GABARAPL2: variants seen among roughly 807,000 people sequenced by gnomAD.
The protein encoded by GABARAPL2 is gamma-aminobutyric acid receptor-associated protein-like 2.
Under a neutral mutation model 16.9 loss-of-function variants are expected in GABARAPL2, and 11 were observed. That is an observed-to-expected ratio of 0.65 (90% CI 0.41 to 1.08). The LOEUF (loss-of-function observed/expected upper bound fraction) is 1.08. Ranked by LOEUF, GABARAPL2 falls within the 50% of genes least tolerant of loss-of-function variation. GABARAPL2 has a pLI of 0.00. For synonymous variants in GABARAPL2, 57 were observed against 50.7 expected (o/e 1.12, Z -0.53); for missense variants, 134 against 142.5 (o/e 0.94, Z 0.30).
chr16:75,566,596 T>A, intron 1 of GABARAPL2, 76 bp downstream of exon 1: 4 of 1,507,932 alleles, frequency 2.7e-6, no homozygotes, highest in Admixed American at 1.8e-5. Flanking sequence ...CGGGCGGCCC[T>A]GGGCCGAGTG....
chr16:75,573,811 G>T (rs2080930908), intron 3 of GABARAPL2, among the ~76,000 whole-genome samples: 1 of 152,172 alleles, frequency 6.6e-6, no homozygotes, highest in Admixed American at 6.5e-5. Context: ...AGCAAAGCTT[G>T]GTGGTCTCCT....
At chr16:75,571,736 G>A (rs941498883) in intron 3 of GABARAPL2, among the ~76,000 whole-genome samples, 2 of 151,442 alleles carry the variant, frequency 1.3e-5, no homozygotes, top group Non-Finnish European at 2.9e-5. Context: ...CCAGGCAGTG[G>A]CGCGATCTCA....
chr16:75,566,893 C>T lies in GABARAPL2; in HGVS notation c.76C>T (p.Pro26Ser). ...GTCCGCGAAGATTCGAGCGAAATAT[C>T]CCGACAGGGTTCCGGTGAGTGGACT... ...VESAKIRAKY[P>S]DRVPVIVEKV... Residue 26 changes from proline to serine, a missense_variant, in exon 2 of 4, where the codon CCC becomes TCC. By Grantham distance (74) the Pro-to-Ser change is moderately conservative. Transcript: ENST00000037243. 1.2e-6 allele frequency: 2 copies of T among 1,613,492 alleles called. No individual in the cohort carries two copies. Among genetic ancestry groups the T allele is most frequent in the Non-Finnish European group, 1.7e-6 (2 of 1,179,732 alleles).
At chr16:75,577,116 T>C (rs894575664) in intron 3 of GABARAPL2, 163 bp from the exon 4 acceptor site, 1 of 566,542 alleles carries the variant, frequency 1.8e-6, no homozygotes, top group South Asian at 2.3e-5. Context: ...TTCATTTATT[T>C]TAATCTTTTT....
chr16:75,572,777 C>T (rs745373818), intron 3 of GABARAPL2: 4 of 152,244 alleles, frequency 2.6e-5, no homozygotes, highest in South Asian at 2.1e-4. Flanking sequence ...TGGCTTTACC[C>T]GTTTCTTTCT....
chr16:75,575,613 C>A (rs893905794), intron 3 of GABARAPL2: 1 of 152,286 alleles, frequency 6.6e-6, no homozygotes, highest in Non-Finnish European at 1.5e-5. Flanking sequence ...CCACGCCCAG[C>A]TAATTTTTTG....
intron 2 of GABARAPL2, 58 bp downstream of exon 2, chr16:75,566,965 A>G: frequency 7.3e-7 from 1 of 1,375,926 alleles, no homozygotes; most frequent in Non-Finnish European, 1.0e-6. Flanking sequence ...GGGACCCGTG[A>G]TAGGCCCCAG....
intron 3 of GABARAPL2, among the ~76,000 whole-genome samples, chr16:75,573,397 A>G (rs1597060118): frequency 6.6e-6 from 1 of 152,212 alleles, no homozygotes; most frequent in Non-Finnish European, 1.5e-5. Flanking sequence ...CATGGCACCC[A>G]GTGAAGCCTC....
intron 3 of GABARAPL2, chr16:75,576,081 T>C (rs1837854153): frequency 6.6e-6 from 1 of 152,164 alleles, no homozygotes; most frequent in Non-Finnish European, 1.5e-5. Flanking sequence ...GAGTCCTTAT[T>C]TTACAAATTC....
At position 75,577,460 on chromosome 16, in the gene GABARAPL2, TA is replaced by T. The variant is rs2080956923; in HGVS notation, c.*92del. On this transcript the variant is annotated 3_prime_UTR_variant, in exon 4 of 4. Transcript: ENST00000037243. The stretch of plus-strand genomic sequence containing the variant: ...GTTATTATACCAGAACCTCTTCACA[TA>T]GACCTATTAGTGCATTTGTAACTGG... 3.9e-6 allele frequency: 3 copies of T among 765,528 alleles called. No homozygotes were observed. The highest frequency in any genetic ancestry group is 3.4e-5 in the African/African-American group (2 of 58,052). 47.4% of individuals were successfully genotyped at this position (765,528 alleles called of 1,614,324 possible).
At chr16:75,577,253 T>A (rs770964148) in intron 3 of GABARAPL2, 26 bp from the exon 4 acceptor site, 1 of 1,451,400 alleles carries the variant, frequency 6.9e-7, no homozygotes, top group Non-Finnish European at 9.7e-7. Flanking sequence ...CAATTTTCAA[T>A]GACGTTTTTG....
At chr16:75,566,559 G>A in intron 1 of GABARAPL2, 39 bp downstream of exon 1, 1 of 1,601,824 alleles carries the variant, frequency 6.2e-7, no homozygotes, top group Non-Finnish European at 8.5e-7. Context: ...TGGGGGCTGG[G>A]GCGGCGGGTG....
intron 3 of GABARAPL2, among the ~76,000 whole-genome samples, chr16:75,572,943 A>T (rs960278445): frequency 2.6e-5 from 4 of 152,210 alleles, no homozygotes; most frequent in African/African-American, 9.6e-5. Context: ...CCTCCCAGCA[A>T]CTTAGGCAGC....
intron 3 of GABARAPL2, among the ~76,000 whole-genome samples, chr16:75,574,470 TG>T (rs2080935407): frequency 6.6e-6 from 1 of 152,104 alleles, no homozygotes. Context: ...CTTGGACAAA[TG>T]GGGTAAAGAG....
intron 3 of GABARAPL2, among the ~76,000 whole-genome samples, chr16:75,570,407 C>T (rs2080908157): frequency 6.6e-6 from 1 of 152,306 alleles, no homozygotes; most frequent in South Asian, 2.1e-4. Context: ...ATCTCTTCCC[C>T]AAGACAATTT....
chr16:75,577,534 A>G lies in GABARAPL2; in HGVS notation c.*165A>G, dbSNP rs1314604352. ...AGGTTTTGTTTCCTTAGACTAGTAAATTATCATACAGAGTTTTATTTTGAG... is the reference window on the plus strand; with the variant it reads ...AGGTTTTGTTTCCTTAGACTAGTAAGTTATCATACAGAGTTTTATTTTGAG... On this transcript the variant is annotated 3_prime_UTR_variant, in exon 4 of 4. Coordinates refer to ENST00000037243, the MANE Select transcript of GABARAPL2 (RefSeq NM_007285.7). 2 of 560,108 alleles carry G rather than the reference A, an allele frequency of 3.6e-6. No homozygotes were observed. The highest frequency in any genetic ancestry group is 5.8e-5 in the East Asian group (2 of 34,726). The allele number at this position is 560,108 out of a possible 1,614,324, so 34.7% of individuals were successfully genotyped here. A position where few individuals can be genotyped will look rare whatever the true frequency, so the allele number is the denominator to read the frequency against.
rs2080883192 is a variant in GABARAPL2 at position 75,566,493 on chromosome 16, T to G, written c.7T>G (p.Trp3Gly). 4 of 1,607,154 alleles carry G rather than the reference T, an allele frequency of 2.5e-6. No homozygotes were observed. The highest frequency in any genetic ancestry group is 3.4e-6 in the Non-Finnish European group (4 of 1,177,472). Residue 3 changes from tryptophan (W) to glycine (G), a missense_variant, in exon 1 of 4, where the codon TGG becomes GGG. Physicochemically the swap from Trp to Gly is radical, Grantham distance 184. Transcript: ENST00000037243. ...TCCCCTTCCCGCCGCCGCCATGAAG[T>G]GGATGTTCAAGGAGGACCACTCGCT... The part of the protein sequence containing the change: MK[W>G]MFKEDHSLEH...
At chr16:75,566,571 G>GCCCCCTCCCCCACTCGGGCGGC (rs2080884067) in intron 1 of GABARAPL2, 51 bp downstream of exon 1, 8 of 1,594,216 alleles carry the variant, frequency 5.0e-6, no homozygotes, top group African/African-American at 1.4e-5. Flanking sequence ...CGGCGGGTGG[G>GCCCCCTCCCCCACTCGGGCGGC]CCCCCTCCCC....
intron 2 of GABARAPL2, among the ~76,000 whole-genome samples, chr16:75,567,222 G>A (rs1057434532): frequency 6.6e-6 from 1 of 152,240 alleles, no homozygotes; most frequent in Admixed American, 6.5e-5. Flanking sequence ...GGGAATGGTG[G>A]TGGAGGGAGA....
Sources: allele counts gnomAD v4.1 joint callset (sites outside exome capture counted in the v4.1 genomes callset), GRCh38; gene constraint gnomAD v4.1.1; transcripts MANE v1.5; gene names NCBI Gene and HGNC (gene_info 2026-07-23, HGNC 2026-07-21).